Variants in PPP3CA observed in about 807,000 individuals in gnomAD.
PPP3CA encodes the protein protein phosphatase 3 catalytic subunit alpha.
Under a neutral mutation model 66.5 loss-of-function variants are expected in PPP3CA, and 14 were observed. The observed-to-expected ratio is 0.21, with a 90% CI of 0.14 to 0.33. PPP3CA has a LOEUF of 0.33. PPP3CA is among the 10% of genes least tolerant of loss of function. The probability of loss-of-function intolerance (pLI) is 1.00; values close to 1 mark genes in which losing one functional copy is unlikely to be tolerated. For missense variants in PPP3CA, 317 were observed against 639.5 expected (o/e 0.50, Z 5.44); for synonymous variants, 232 against 226.2 (o/e 1.03, Z -0.23).
chr4:101,272,354 T>C (rs1268679033), intron 1 of PPP3CA, among the ~76,000 whole-genome samples: 2 of 152,198 alleles, frequency 1.3e-5, no homozygotes, highest in East Asian at 3.8e-4. Context: ...TACGTGGCAG[T>C]CAGAATTTAA....
intron 2 of PPP3CA, among the ~76,000 whole-genome samples, chr4:101,147,192 G>A (rs974121973): frequency 6.6e-5 from 10 of 152,162 alleles, no homozygotes; most frequent in Non-Finnish European, 1.3e-4. Flanking sequence ...ACAGTGAATT[G>A]TCAAAAATTG....
At chr4:101,261,877 T>C (rs1439897550) in intron 1 of PPP3CA, among the ~76,000 whole-genome samples, 1 of 151,628 alleles carries the variant, frequency 6.6e-6, no homozygotes, top group African/African-American at 2.4e-5. Context: ...AAAAAAGCTA[T>C]CAAAAGAAAT....
At chr4:101,174,602 A>G (rs1723995556) in intron 2 of PPP3CA, among the ~76,000 whole-genome samples, 1 of 152,194 alleles carries the variant, frequency 6.6e-6, no homozygotes, top group Non-Finnish European at 1.5e-5. Flanking sequence ...CTAAACACAA[A>G]ATTATACATA....
At position 101,124,442 on chromosome 4, in the gene PPP3CA, G is replaced by A. The variant is rs1172768273; in HGVS notation, c.260-15364C>T. Among the ~76,000 whole-genome samples the A allele has an allele frequency of 2.0e-5, 3 of 151,922 alleles. No individual in the cohort carries two copies. In the East Asian group the frequency reaches 5.8e-4, roughly 29 times the overall value. Reference sequence around the variant, plus strand: ...AGTTCCAGACCAGCCTGGCCAATATGGTGAAACTCCGTCTCTACTAAAACA... The same window carrying A: ...AGTTCCAGACCAGCCTGGCCAATATAGTGAAACTCCGTCTCTACTAAAACA... On this transcript the variant is annotated intron_variant, in intron 2 of 13. Transcript: ENST00000394854.
intron 1 of PPP3CA, among the ~76,000 whole-genome samples, chr4:101,264,371 T>A (rs1727102710): frequency 6.6e-6 from 1 of 152,150 alleles, no homozygotes; most frequent in Non-Finnish European, 1.5e-5. Flanking sequence ...CTTTTTTTAA[T>A]CTTTAGTTTA....
At chr4:101,096,091 A>G (rs1730184968) in intron 5 of PPP3CA, among the ~76,000 whole-genome samples, 1 of 152,212 alleles carries the variant, frequency 6.6e-6, no homozygotes, top group Non-Finnish European at 1.5e-5. Context: ...AGCAGGAAAC[A>G]AGGTTTATTT....
At chr4:101,089,318 T>C (rs1015184642) in intron 6 of PPP3CA, among the ~76,000 whole-genome samples, 2 of 151,988 alleles carry the variant, frequency 1.3e-5, no homozygotes, top group African/African-American at 4.8e-5. Flanking sequence ...AATCAGGATA[T>C]ATAAACAAGG....
At chr4:101,102,172 T>C (rs1730472087) in intron 3 of PPP3CA, among the ~76,000 whole-genome samples, 1 of 151,356 alleles carries the variant, frequency 6.6e-6, no homozygotes, top group South Asian at 2.1e-4. Context: ...AAGTACCTAG[T>C]ATATGACAGG....
chr4:101,026,791 G>A, intron 13 of PPP3CA, among the ~76,000 whole-genome samples: 1 of 152,110 alleles, frequency 6.6e-6, no homozygotes, highest in East Asian at 1.9e-4. Context: ...CTTCAGCAGT[G>A]AACAGGTCAA....
chr4:101,281,814 CTAAAT>C (rs1383442525), intron 1 of PPP3CA, among the ~76,000 whole-genome samples: 1 of 152,144 alleles, frequency 6.6e-6, no homozygotes, highest in Admixed American at 6.5e-5. Flanking sequence ...AGCATCCTCC[CTAAAT>C]TAATCAAAAT....
At chr4:101,237,369 T>C (rs1338094579) in intron 1 of PPP3CA, among the ~76,000 whole-genome samples, 1 of 151,782 alleles carries the variant, frequency 6.6e-6, no homozygotes, top group African/African-American at 2.4e-5. Context: ...GAGTGGTGAG[T>C]TGAGTATTAA....
chr4:101,199,209 C>T (rs1323625654), intron 1 of PPP3CA, among the ~76,000 whole-genome samples: 3 of 152,152 alleles, frequency 2.0e-5, no homozygotes, highest in Admixed American at 2.0e-4. Flanking sequence ...AAGACCTGTG[C>T]CAAATACTGA....
chr4:101,102,546 G>A (rs1417928618), intron 3 of PPP3CA, among the ~76,000 whole-genome samples: 1 of 152,138 alleles, frequency 6.6e-6, no homozygotes, highest in Non-Finnish European at 1.5e-5. Flanking sequence ...TGGACTGGAG[G>A]TGGAGCCCTG....
At chr4:101,065,790 G>A (rs548996556) in intron 8 of PPP3CA, among the ~76,000 whole-genome samples, 2 of 152,152 alleles carry the variant, frequency 1.3e-5, no homozygotes, top group East Asian at 1.9e-4. Context: ...CAAAATACAC[G>A]TTTGAGTGAA....
chr4:101,056,709 C>A (rs1348281525), intron 10 of PPP3CA, among the ~76,000 whole-genome samples: 1 of 151,726 alleles, frequency 6.6e-6, no homozygotes, highest in Non-Finnish European at 1.5e-5. Context: ...TTTCAGGCAA[C>A]AAATAAGGAG....
At chr4:101,144,653 C>T (rs545770566) in intron 2 of PPP3CA, among the ~76,000 whole-genome samples, 40 of 152,210 alleles carry the variant, frequency 2.6e-4, no homozygotes, top group African/African-American at 9.1e-4. Flanking sequence ...GACTATGATA[C>T]CACTAAGGGC....
chr4:101,211,853 C>T (rs1238333596), intron 1 of PPP3CA, among the ~76,000 whole-genome samples: 3 of 152,172 alleles, frequency 2.0e-5, no homozygotes, highest in Non-Finnish European at 2.9e-5. Context: ...ATGCAACAAA[C>T]TGTCATGGTT....
chr4:101,228,995 C>T (rs983536526), intron 1 of PPP3CA, among the ~76,000 whole-genome samples: 2 of 151,634 alleles, frequency 1.3e-5, no homozygotes, highest in African/African-American at 2.4e-5. Context: ...AAACTCCTGT[C>T]ACTCTACTTA....
intron 2 of PPP3CA, among the ~76,000 whole-genome samples, chr4:101,191,323 A>T (rs1724595893): frequency 6.6e-6 from 1 of 152,224 alleles, no homozygotes; most frequent in Non-Finnish European, 1.5e-5. Context: ...TTCCAAGAAC[A>T]ACCTTGCAAG....
Sources: gnomAD v4.1 joint callset for allele counts (sites outside exome capture counted in the v4.1 genomes callset) on GRCh38, gnomAD v4.1.1 for gene constraint, MANE v1.5 for transcripts, NCBI Gene and HGNC (gene_info 2026-07-23, HGNC 2026-07-21) for gene names.